GATA4: variants seen among roughly 807,000 people sequenced by gnomAD.
The protein encoded by GATA4 is GATA binding protein 4, also known as transcription factor GATA-4.
GATA4 carries 7 observed loss-of-function variants against 37.9 expected under a neutral mutation model. That is an observed-to-expected ratio of 0.18 (90% CI 0.11 to 0.35). The LOEUF (loss-of-function observed/expected upper bound fraction) is 0.35, where lower values mean the gene tolerates loss of function less well. GATA4 is among the 10% of genes least tolerant of loss of function. GATA4 has a pLI of 1.00. For missense variants in GATA4, 647 were observed against 653.0 expected (o/e 0.99, Z 0.10); for synonymous variants, 372 against 292.6 (o/e 1.27, Z -2.77).
chr8:11,753,390 C>A (rs2130329154), intron 4 of GATA4, among the ~76,000 whole-genome samples: 1 of 151,668 alleles, frequency 6.6e-6, no homozygotes, highest in South Asian at 2.1e-4. Context: ...GGATGGTGGT[C>A]AGGCTTGCAG....
At chr8:11,697,644 C>T (rs1017812943) in intron 1 of GATA4, 1 of 985,340 alleles carries the variant, frequency 1.0e-6, no homozygotes, top group African/African-American at 1.7e-5. Flanking sequence ...GCACAGCCCC[C>T]CTTTCAGAGG....
At chr8:11,682,206 A>C (rs2409804) in intron 1 of GATA4, among the ~76,000 whole-genome samples, 69,638 of 152,100 alleles carry the variant, frequency 0.46, 19,905 homozygotes, top group Non-Finnish European at 0.64. Context: ...AATTTCTTAA[A>C]TGTAGAATCT....
chr8:11,727,167 T>C (rs1345911916), intron 2 of GATA4, among the ~76,000 whole-genome samples: 4 of 152,182 alleles, frequency 2.6e-5, no homozygotes, highest in African/African-American at 9.7e-5. Context: ...TGGAGGATAG[T>C]GACTCACTGC....
chr8:11,727,845 A>C (rs1288769312), intron 2 of GATA4, among the ~76,000 whole-genome samples: 1 of 152,072 alleles, frequency 6.6e-6, no homozygotes, highest in African/African-American at 2.4e-5. Flanking sequence ...AAAGTAAAAA[A>C]AATCCAGCTT....
intron 2 of GATA4, among the ~76,000 whole-genome samples, chr8:11,720,908 G>C (rs1382456609): frequency 6.6e-6 from 1 of 151,974 alleles, no homozygotes; most frequent in African/African-American, 2.4e-5. Context: ...TCTAGGCAGT[G>C]GTGGAGATTT....
intron 1 of GATA4, among the ~76,000 whole-genome samples, chr8:11,687,159 A>G (rs961421678): frequency 6.6e-6 from 1 of 152,124 alleles, no homozygotes; most frequent in African/African-American, 2.4e-5. Flanking sequence ...CTGGGAGGGA[A>G]GAGATTTCCC....
At position 11,707,942 on chromosome 8, in the gene GATA4, C is replaced by G. The variant is rs1243115546; in HGVS notation, c.-371C>G. 2 of 328,248 alleles carry G rather than the reference C, an allele frequency of 6.1e-6. No homozygotes were observed. The highest frequency in any genetic ancestry group is 9.7e-5 in the East Asian group (1 of 10,324). The allele number at this position is 328,248 out of a possible 1,614,324, so 20.3% of individuals were successfully genotyped here. A position where few individuals can be genotyped will look rare whatever the true frequency, so the allele number is the denominator to read the frequency against. On this transcript the variant is annotated 5_prime_UTR_variant, in exon 2 of 7. Transcript: ENST00000532059. The surrounding 1 kb of genome is among the most constrained non-coding windows in gnomAD (Gnocchi z 4.7). ...GTGTCCTGGAGGCCTCTCGGTGTGACGAGTGGGGGACCCGAAGGCTCGTGC... is the reference window on the plus strand; with the variant it reads ...GTGTCCTGGAGGCCTCTCGGTGTGAGGAGTGGGGGACCCGAAGGCTCGTGC...
intron 1 of GATA4, among the ~76,000 whole-genome samples, chr8:11,683,337 C>T (rs1799037983): frequency 2.0e-5 from 3 of 152,204 alleles, no homozygotes; most frequent in Admixed American, 6.5e-5. Flanking sequence ...TCAAAACTCA[C>T]CACTGCGTAT....
chr8:11,682,991 A>G (rs1356550688), intron 1 of GATA4: 1 of 879,450 alleles, frequency 1.1e-6, no homozygotes, highest in East Asian at 1.2e-4. Flanking sequence ...GTTCAGAGAA[A>G]GTTCTGGGAA....
intron 1 of GATA4, among the ~76,000 whole-genome samples, chr8:11,677,705 C>T (rs955124712): frequency 2.6e-5 from 4 of 152,176 alleles, no homozygotes; most frequent in African/African-American, 4.8e-5. Flanking sequence ...CTCTCAGAGT[C>T]GGATACTTTT....
At chr8:11,689,089 T>C (rs906658901), upstream of GATA4, among the ~76,000 whole-genome samples, 3 of 152,172 alleles carry the variant, frequency 2.0e-5, no homozygotes, top group Non-Finnish European at 4.4e-5. Flanking sequence ...GCGACTTTGC[T>C]CTTAGCTGCC....
At position 11,709,066 on chromosome 8, in the gene GATA4, A is replaced by C; in HGVS notation, c.616+138A>C. On this transcript the variant is annotated intron_variant, in intron 2 of 6. Transcript: ENST00000532059. This position sits in a 1 kb window ranked among gnomAD's most constrained non-coding sequence, Gnocchi z 4.3. ...GCTTCACTACCTCGAGTTTCTAGGG[A>C]AGGCAGAAGCCAGTGCGGGGCTGGC... The C allele has an allele frequency of 1.1e-6, 1 of 925,818 alleles. No individual in the cohort carries two copies. Among genetic ancestry groups the C allele is most frequent in the Non-Finnish European group, 1.5e-6 (1 of 666,550 alleles). 57.4% of individuals were successfully genotyped at this position (925,818 alleles called of 1,614,324 possible).
intron 2 of GATA4, among the ~76,000 whole-genome samples, chr8:11,720,074 C>G (rs917320101): frequency 6.6e-6 from 1 of 151,928 alleles, no homozygotes; most frequent in Non-Finnish European, 1.5e-5. Context: ...GCACATTGGT[C>G]TGGCGCGGAG....
chr8:11,685,245 G>A (rs1273583159), intron 1 of GATA4, among the ~76,000 whole-genome samples: 2 of 152,216 alleles, frequency 1.3e-5, no homozygotes, highest in Non-Finnish European at 2.9e-5. Flanking sequence ...GAAAGAAAAA[G>A]TAGATTGTGA....
At chr8:11,744,154 C>T (rs1218536357) in intron 2 of GATA4, among the ~76,000 whole-genome samples, 1 of 152,136 alleles carries the variant, frequency 6.6e-6, no homozygotes, top group Non-Finnish European at 1.5e-5. Flanking sequence ...TCAGATTCCC[C>T]AGTCTCCTAG....
chr8:11,691,794 C>G, upstream of GATA4, among the ~76,000 whole-genome samples: 1 of 152,250 alleles, frequency 6.6e-6, no homozygotes, highest in Non-Finnish European at 1.5e-5. Context: ...TGGGGTCCCT[C>G]CCTCCTCTTT....
At chr8:11,755,400 C>G (rs1323994411) in intron 5 of GATA4, among the ~76,000 whole-genome samples, 1 of 152,216 alleles carries the variant, frequency 6.6e-6, no homozygotes, top group Non-Finnish European at 1.5e-5. Context: ...TCAGGCTGGA[C>G]CAGCCGAGGT....
At chr8:11,687,280 T>C (rs1799168309) in intron 1 of GATA4, among the ~76,000 whole-genome samples, 1 of 152,170 alleles carries the variant, frequency 6.6e-6, no homozygotes, top group East Asian at 1.9e-4. Context: ...TCCCCAGAAA[T>C]GGCTCCTCAG....
At chr8:11,748,623 G>A (rs1802142668) in intron 2 of GATA4, among the ~76,000 whole-genome samples, 1 of 152,180 alleles carries the variant, frequency 6.6e-6, no homozygotes, top group Admixed American at 6.5e-5. Flanking sequence ...TAGGGCTGGA[G>A]GCTCTGAATG....
Sources: allele counts gnomAD v4.1 joint callset (sites outside exome capture counted in the v4.1 genomes callset), GRCh38; gene constraint gnomAD v4.1.1; non-coding constraint Gnocchi (gnomAD v3.1); transcripts MANE v1.5; gene names NCBI Gene and HGNC (gene_info 2026-07-23, HGNC 2026-07-21).